The following ZNF273 variants were observed in gnomAD, a reference collection of about 807,000 sequenced individuals.
ZNF273 encodes zinc finger protein 273, also known as zinc finger protein 9.
ZNF273 carries 11 observed loss-of-function variants against 14.9 expected under a neutral mutation model. The observed-to-expected ratio is 0.74, with a 90% CI of 0.46 to 1.22. The LOEUF is 1.22. Among genes scored for constraint, ZNF273 ranks in the 50% most tolerant of loss-of-function variants. The pLI is 0.00. For missense variants in ZNF273, 577 were observed against 660.6 expected, an observed-to-expected ratio of 0.87 and a Z score of 1.39; for synonymous variants, 199 against 223.9, an observed-to-expected ratio of 0.89 and a Z score of 0.99.
chr7:64,889,392 G>T, downstream of ZNF273: 1 of 979,396 alleles, frequency 1.0e-6, no homozygotes, highest in East Asian at 1.1e-4. The surrounding 1 kb of genome is among the most constrained non-coding windows in gnomAD (Gnocchi z 4.2). Flanking sequence ...AGGGCCGTGC[G>T]GCTCCTGCGG....
downstream of ZNF273, among the ~76,000 whole-genome samples, chr7:64,932,677 T>C (rs1325963684): frequency 6.6e-6 from 1 of 152,006 alleles, no homozygotes; most frequent in African/African-American, 2.4e-5. Flanking sequence ...ATCCTAGCAC[T>C]TTGGGAGCCT....
Position 64,928,848 on chromosome 7 carries a change from T to C in ZNF273, c.1520T>C (p.Ile507Thr), listed in dbSNP as rs750118984. 1.1e-5 allele frequency: 17 copies of C among 1,613,778 alleles called. No individual in the cohort carries two copies. The East Asian group carries it at 3.6e-4, about 34-fold the overall frequency. The change falls in exon 4 of 4, where the codon ATT (isoleucine) becomes ACT (threonine). Residue 507 changes from isoleucine to threonine, a missense_variant. Around this residue, in one of 3 missense-constraint regions of ZNF273, gnomAD observed 411 missense variants for 440.4 expected, o/e 0.93. Coordinates refer to ENST00000476120, the MANE Select transcript of ZNF273 (RefSeq NM_021148.3). ...TCAACTCTTACTAAACATAAGAGAA[T>C]TCATACTGGAGAGAAGCCCTACAAA... Reference protein sequence around the residue: ...WSSTLTKHKRIHTGEKPYKCE... With the variant: ...WSSTLTKHKRTHTGEKPYKCE...
chr7:64,902,828 G>A (rs1232379126), upstream of ZNF273, among the ~76,000 whole-genome samples: 2 of 152,204 alleles, frequency 1.3e-5, no homozygotes, highest in Admixed American at 1.3e-4. Context: ...ATTAGCCTGG[G>A]AAAAGGAGGC....
upstream of ZNF273, chr7:64,903,131 A>G (rs1322923722): frequency 3.9e-6 from 2 of 519,160 alleles, no homozygotes; most frequent in Non-Finnish European, 6.9e-6. Flanking sequence ...CAGCCCAGCA[A>G]CTGAGCACAC....
At chr7:64,914,182 A>AT (rs375695781) in intron 1 of ZNF273, among the ~76,000 whole-genome samples, 1,620 of 70,842 alleles carry the variant, frequency 0.023, 77 homozygotes, top group South Asian at 0.039. Flanking sequence ...TAATTTTTGT[A>AT]TTTTTTTTTT....
downstream of ZNF273, among the ~76,000 whole-genome samples, chr7:64,882,987 G>GT (rs1311703414): frequency 3.9e-5 from 6 of 152,240 alleles, no homozygotes; most frequent in Non-Finnish European, 7.3e-5. Context: ...GTGCGCGTGT[G>GT]TGTGTTTCTG....
At chr7:64,899,739 A>C (rs1179677942), upstream of ZNF273, among the ~76,000 whole-genome samples, 1 of 151,626 alleles carries the variant, frequency 6.6e-6, no homozygotes, top group Non-Finnish European at 1.5e-5. Context: ...TAAAATTAGC[A>C]GAAGTTCATT....
At chr7:64,894,453 G>GA (rs1792241313), downstream of ZNF273, among the ~76,000 whole-genome samples, 1 of 152,126 alleles carries the variant, frequency 6.6e-6, no homozygotes, top group Non-Finnish European at 1.5e-5. Flanking sequence ...ACAGATTACT[G>GA]TAGGGTTCAG....
At chr7:64,884,017 A>T (rs1201702676), downstream of ZNF273, among the ~76,000 whole-genome samples, 1 of 152,210 alleles carries the variant, frequency 6.6e-6, no homozygotes, top group South Asian at 2.1e-4. Flanking sequence ...TTGCAGCATG[A>T]TTCCTATATG....
intron 3 of ZNF273, among the ~76,000 whole-genome samples, chr7:64,922,057 G>A (rs1794502664): frequency 6.6e-6 from 1 of 151,222 alleles, no homozygotes; most frequent in Non-Finnish European, 1.5e-5. Flanking sequence ...ATGCTAAAAT[G>A]AGTCTCTTGT....
At chr7:64,911,142 T>C (rs1793483348) in intron 1 of ZNF273, among the ~76,000 whole-genome samples, 1 of 152,140 alleles carries the variant, frequency 6.6e-6, no homozygotes, top group South Asian at 2.1e-4. Context: ...ATCAAAAGCT[T>C]TCTCTGCAGC....
At chr7:64,912,628 T>C (rs1044482000) in intron 1 of ZNF273, among the ~76,000 whole-genome samples, 5 of 152,064 alleles carry the variant, frequency 3.3e-5, no homozygotes, top group African/African-American at 7.2e-5. Flanking sequence ...CTGGCTGTTG[T>C]AGGAGAAAAT....
At chr7:64,887,666 C>A (rs1791675032) in intron 1 of ZNF273, among the ~76,000 whole-genome samples, 1 of 144,874 alleles carries the variant, frequency 6.9e-6, no homozygotes, top group Non-Finnish European at 1.5e-5. Context: ...TGCAGCTAAT[C>A]TTTTTGTATT....
At chr7:64,901,025 G>A (rs1792681626), upstream of ZNF273, among the ~76,000 whole-genome samples, 1 of 149,908 alleles carries the variant, frequency 6.7e-6, no homozygotes. Flanking sequence ...TTTTTGTAGA[G>A]AGAGTCTTGC....
chr7:64,883,085 C>T (rs1324469238), downstream of ZNF273, among the ~76,000 whole-genome samples: 1 of 152,028 alleles, frequency 6.6e-6, no homozygotes, highest in Non-Finnish European at 1.5e-5. Flanking sequence ...CCGAGTGGCC[C>T]GACCTTCTGG....
At chr7:64,922,130 T>C (rs1440306711) in intron 3 of ZNF273, among the ~76,000 whole-genome samples, 3 of 151,850 alleles carry the variant, frequency 2.0e-5, no homozygotes, top group Non-Finnish European at 4.4e-5. Context: ...TTTTTTTTTT[T>C]TTTAATAATT....
chr7:64,887,452 T>C (rs1791659821), intron 1 of ZNF273, among the ~76,000 whole-genome samples: 1 of 152,210 alleles, frequency 6.6e-6, no homozygotes. Context: ...AGAGGGCCAG[T>C]GTCCTCTGGA....
downstream of ZNF273, among the ~76,000 whole-genome samples, chr7:64,881,530 T>C (rs554396599): frequency 6.6e-5 from 10 of 152,336 alleles, no homozygotes; most frequent in African/African-American, 1.9e-4. Flanking sequence ...ATGATTCCTG[T>C]AGGATGAGAA....
At chr7:64,916,370 T>TAA (rs71061327) in intron 1 of ZNF273, among the ~76,000 whole-genome samples, 4 of 122,904 alleles carry the variant, frequency 3.3e-5, no homozygotes, top group Admixed American at 8.0e-5. Flanking sequence ...ACTAAAAATG[T>TAA]AAAAAAAAAA....
Sources: gnomAD v4.1 joint callset for allele counts (sites outside exome capture counted in the v4.1 genomes callset) on GRCh38, gnomAD v4.1.1 for gene constraint, gnomAD v4.1.1 regional missense constraint, Gnocchi (gnomAD v3.1) non-coding constraint, MANE v1.5 for transcripts, NCBI Gene and HGNC (gene_info 2026-07-23, HGNC 2026-07-21) for gene names.